The following EHBP1 variants were observed in gnomAD, a reference collection of about 807,000 sequenced individuals.
EHBP1 encodes the protein EH domain-binding protein 1.
A neutral mutation model predicts 144.0 loss-of-function variants in EHBP1; 55 were observed. That is an observed-to-expected ratio of 0.38 (90% CI 0.31 to 0.48). EHBP1 has a LOEUF of 0.48. EHBP1 is among the 20% of genes least tolerant of loss of function. The pLI, the probability that EHBP1 is intolerant of heterozygous loss-of-function variation, is 0.98. For synonymous variants in EHBP1, 469 were observed against 472.7 expected, an observed-to-expected ratio of 0.99 and a Z score of 0.10; for missense variants, 1,200 against 1,364.2, an observed-to-expected ratio of 0.88 and a Z score of 1.90.
chr2:62,884,443 G>T (rs1450955354), intron 10 of EHBP1, among the ~76,000 whole-genome samples: 1 of 152,156 alleles, frequency 6.6e-6, no homozygotes, highest in African/African-American at 2.4e-5. Flanking sequence ...TGGGCCCCGT[G>T]GGGTTTTATC....
At chr2:62,987,609 C>T (rs575036444) in intron 15 of EHBP1, among the ~76,000 whole-genome samples, 4 of 152,018 alleles carry the variant, frequency 2.6e-5, no homozygotes, top group South Asian at 4.2e-4. Context: ...TTTTGTGTGC[C>T]ATTGTTAGAG....
intron 10 of EHBP1, among the ~76,000 whole-genome samples, chr2:62,900,610 G>GA (rs1282034005): frequency 1.3e-5 from 2 of 151,248 alleles, no homozygotes; most frequent in Admixed American, 1.3e-4. Flanking sequence ...GGCAGAGTGA[G>GA]ACCCTGTCTT....
At chr2:62,945,893 C>A (rs1293448078) in intron 12 of EHBP1, among the ~76,000 whole-genome samples, 1 of 152,204 alleles carries the variant, frequency 6.6e-6, no homozygotes, top group African/African-American at 2.4e-5. Flanking sequence ...AGTTTTCTTA[C>A]AGAAATTACC....
At chr2:62,974,820 T>C (rs1320745650) in intron 14 of EHBP1, among the ~76,000 whole-genome samples, 2 of 152,188 alleles carry the variant, frequency 1.3e-5, no homozygotes, top group African/African-American at 4.8e-5. Context: ...TTTTTACAAA[T>C]AAGGTTTTCC....
At chr2:62,802,301 G>T (rs997305463) in intron 5 of EHBP1, among the ~76,000 whole-genome samples, 3 of 152,134 alleles carry the variant, frequency 2.0e-5, no homozygotes, top group Non-Finnish European at 4.4e-5. Context: ...GCTGGAGGAG[G>T]GGCAGGGTAT....
At chr2:62,739,562 A>G (rs1203574255) in intron 2 of EHBP1, among the ~76,000 whole-genome samples, 1 of 152,226 alleles carries the variant, frequency 6.6e-6, no homozygotes. Flanking sequence ...ACAATAAAGT[A>G]TGAAGTATTA....
At position 62,883,361 on chromosome 2, in the gene EHBP1, G is replaced by A. The variant is rs575537020; in HGVS notation, c.1185+8829G>A. Among the ~76,000 whole-genome samples the A allele has an allele frequency of 7.2e-5, 11 of 152,318 alleles. No homozygotes were observed. The East Asian group carries it at 1.9e-3, about 27-fold the overall frequency. On this transcript the variant is annotated intron_variant, in intron 10 of 22. Coordinates refer to ENST00000431489, the MANE Select transcript of EHBP1 (RefSeq NM_001142616.3). ...ATTTTGAAGGTAATGTTTCATTGCA[G>A]ATACATTGTGGAATAAATGATGTTT...
intron 5 of EHBP1, among the ~76,000 whole-genome samples, chr2:62,780,458 C>CAT (rs147984099): frequency 1.1e-4 from 17 of 151,892 alleles, no homozygotes; most frequent in South Asian, 2.1e-4. Flanking sequence ...AGAGAAATTT[C>CAT]ATATATATAT....
At chr2:62,762,035 T>C (rs2040811003) in intron 3 of EHBP1, among the ~76,000 whole-genome samples, 1 of 152,164 alleles carries the variant, frequency 6.6e-6, no homozygotes, top group South Asian at 2.1e-4. Flanking sequence ...ACTCCTGGGC[T>C]CAAGCTATCC....
At chr2:62,881,039 C>T (rs375098868) in intron 10 of EHBP1, among the ~76,000 whole-genome samples, 1 of 149,568 alleles carries the variant, frequency 6.7e-6, no homozygotes, top group Non-Finnish European at 1.5e-5. Flanking sequence ...TATATATATA[C>T]ACCATGGAAT....
intron 1 of EHBP1, among the ~76,000 whole-genome samples, chr2:62,683,164 T>C (rs2033590943): frequency 6.6e-6 from 1 of 152,100 alleles, no homozygotes; most frequent in African/African-American, 2.4e-5. Flanking sequence ...CCCACCTTGA[T>C]CTCTGTATCT....
chr2:62,832,099 T>A (rs2045461295), intron 7 of EHBP1, among the ~76,000 whole-genome samples: 3 of 152,234 alleles, frequency 2.0e-5, no homozygotes, highest in African/African-American at 7.2e-5. Context: ...GTAAATTTTA[T>A]TATTTTCTAA....
At chr2:63,013,447 T>G (rs1469117106) in intron 19 of EHBP1, among the ~76,000 whole-genome samples, 1 of 152,140 alleles carries the variant, frequency 6.6e-6, no homozygotes, top group Non-Finnish European at 1.5e-5. Flanking sequence ...TATGTAGGGC[T>G]GAATGTGCAG....
intron 5 of EHBP1, among the ~76,000 whole-genome samples, chr2:62,825,796 T>G (rs1384098488): frequency 1.3e-5 from 2 of 152,082 alleles, no homozygotes; most frequent in Non-Finnish European, 2.9e-5. Context: ...CTGGAGACTT[T>G]CTGTCCTAGT....
intron 5 of EHBP1, among the ~76,000 whole-genome samples, chr2:62,774,756 G>A (rs2041935815): frequency 6.6e-6 from 1 of 151,808 alleles, no homozygotes; most frequent in African/African-American, 2.4e-5. Context: ...GAGGTGGGAG[G>A]ATTGCTTGAG....
At chr2:62,683,461 C>A (rs2033602617) in intron 1 of EHBP1, among the ~76,000 whole-genome samples, 1 of 151,820 alleles carries the variant, frequency 6.6e-6, no homozygotes, top group Non-Finnish European at 1.5e-5. Flanking sequence ...AGATCGAGAC[C>A]ATCCTGGCTA....
At chr2:62,728,318 A>C (rs962509659) in intron 2 of EHBP1, among the ~76,000 whole-genome samples, 1 of 152,238 alleles carries the variant, frequency 6.6e-6, no homozygotes, top group Non-Finnish European at 1.5e-5. Flanking sequence ...AAGAACTGTC[A>C]AACTGTTTAC....
intron 7 of EHBP1, among the ~76,000 whole-genome samples, chr2:62,842,849 G>A (rs2048013911): frequency 6.6e-6 from 1 of 152,086 alleles, no homozygotes; most frequent in Non-Finnish European, 1.5e-5. Flanking sequence ...GTGCTATTTT[G>A]ATCACAGCAG....
At chr2:62,913,744 T>C (rs1202202291) in intron 10 of EHBP1, among the ~76,000 whole-genome samples, 1 of 152,244 alleles carries the variant, frequency 6.6e-6, no homozygotes, top group Non-Finnish European at 1.5e-5. Flanking sequence ...AAAACACTTT[T>C]ATATGTAGAA....
Sources: gnomAD v4.1 joint callset for allele counts (sites outside exome capture counted in the v4.1 genomes callset) on GRCh38, gnomAD v4.1.1 for gene constraint, MANE v1.5 for transcripts, NCBI Gene and HGNC (gene_info 2026-07-23, HGNC 2026-07-21) for gene names.